Variants in TENM4 observed in about 807,000 individuals in gnomAD.
TENM4 encodes teneurin-4.
In TENM4, 82 loss-of-function variants were observed where a neutral mutation model predicts 243.3. The ratio of observed to expected loss-of-function variants is 0.34; its 90% confidence interval spans 0.28 to 0.40. The LOEUF is 0.40. Among genes scored for constraint, TENM4 ranks in the 10% least tolerant of loss-of-function variants. The pLI is 1.00. For missense variants in TENM4, 3,138 were observed against 3,673.3 expected, an observed-to-expected ratio of 0.85 and a Z score of 3.77; for synonymous variants, 1,412 against 1,456.3, an observed-to-expected ratio of 0.97 and a Z score of 0.69.
chr11:79,238,648 T>A (rs975111510), intron 2 of TENM4, among the ~76,000 whole-genome samples: 1 of 151,926 alleles, frequency 6.6e-6, no homozygotes, highest in Non-Finnish European at 1.5e-5. Context: ...TTGCCAAACC[T>A]TCATAATAAA....
chr11:79,307,285 C>T (rs1856642260), intron 1 of TENM4, among the ~76,000 whole-genome samples: 1 of 152,080 alleles, frequency 6.6e-6, no homozygotes, highest in Non-Finnish European at 1.5e-5. Flanking sequence ...ACTCAGAGCG[C>T]CAACAACCCA....
At chr11:78,833,756 T>A (rs1858034961) in intron 12 of TENM4, among the ~76,000 whole-genome samples, 1 of 152,190 alleles carries the variant, frequency 6.6e-6, no homozygotes, top group East Asian at 1.9e-4. Flanking sequence ...ATCGGGGGTA[T>A]GATTTTAAGA....
intron 2 of TENM4, among the ~76,000 whole-genome samples, chr11:79,262,783 T>G (rs1482273576): frequency 6.6e-6 from 1 of 152,222 alleles, no homozygotes; most frequent in East Asian, 1.9e-4. Context: ...TTAATATCTC[T>G]GAGTCTTTTA....
chr11:78,937,700 G>C (rs1372820783), intron 6 of TENM4, among the ~76,000 whole-genome samples: 1 of 152,160 alleles, frequency 6.6e-6, no homozygotes, highest in East Asian at 1.9e-4. Flanking sequence ...CCAAAACGAA[G>C]CTGTTCATCT....
In TENM4 at chr11:79,370,233, A is replaced by G. The variant is rs189395029; in HGVS notation, c.-321+70276T>C. Among the ~76,000 whole-genome samples the G allele has an allele frequency of 3.5e-3, 537 of 152,330 alleles. 3 individuals are homozygous for G. Among genetic ancestry groups the G allele is most frequent in the African/African-American group, 0.012 (504 of 41,590 alleles). On this transcript the variant is annotated intron_variant, in intron 1 of 33. Transcript: ENST00000278550. ...CAACCCTTCACATGGGCCCCCTACG[A>G]CGGAGGCCAGGGCCCTCCATACCAT...
chr11:79,198,711 T>C (rs1863683696), intron 3 of TENM4, among the ~76,000 whole-genome samples: 1 of 152,162 alleles, frequency 6.6e-6, no homozygotes. Context: ...AAATATGTAT[T>C]GGGGACCTAC....
intron 6 of TENM4, among the ~76,000 whole-genome samples, chr11:79,030,242 G>A (rs1455446668): frequency 6.6e-6 from 1 of 152,150 alleles, no homozygotes; most frequent in African/African-American, 2.4e-5. Context: ...CTGATGGGAG[G>A]ATGTAGCTTT....
chr11:78,850,050 G>GTT (rs1858496763), intron 12 of TENM4, among the ~76,000 whole-genome samples: 1 of 141,396 alleles, frequency 7.1e-6, no homozygotes, highest in Non-Finnish European at 1.5e-5. Flanking sequence ...AACTTGCTTG[G>GTT]TTTCAGTGCT....
chr11:78,933,248 G>A (rs1211671276), intron 6 of TENM4, among the ~76,000 whole-genome samples: 1 of 152,106 alleles, frequency 6.6e-6, no homozygotes, highest in Non-Finnish European at 1.5e-5. Flanking sequence ...CTCCTCTAAA[G>A]AGCTGAGGAG....
At chr11:79,207,697 T>A (rs1434876581) in intron 3 of TENM4, among the ~76,000 whole-genome samples, 1 of 151,758 alleles carries the variant, frequency 6.6e-6, no homozygotes, top group Non-Finnish European at 1.5e-5. Flanking sequence ...AAACCCCGTC[T>A]CTACAGAAAA....
At chr11:79,035,035 A>G (rs1358540924) in intron 6 of TENM4, among the ~76,000 whole-genome samples, 1 of 152,212 alleles carries the variant, frequency 6.6e-6, no homozygotes, top group African/African-American at 2.4e-5. Flanking sequence ...ACTGCTCTAG[A>G]ACATGCAAGG....
At chr11:79,397,478 C>T (rs566552297) in intron 1 of TENM4, among the ~76,000 whole-genome samples, 1 of 152,318 alleles carries the variant, frequency 6.6e-6, no homozygotes, top group South Asian at 2.1e-4. Flanking sequence ...AGATGTGTCA[C>T]TCCTGCTTCT....
intron 6 of TENM4, among the ~76,000 whole-genome samples, chr11:78,929,485 TAGGG>T (rs1360541808): frequency 1.5e-4 from 23 of 152,114 alleles, no homozygotes; most frequent in Admixed American, 1.5e-3. Context: ...GAGAGAGGGC[TAGGG>T]AAGGGGAGCC....
intron 12 of TENM4, among the ~76,000 whole-genome samples, chr11:78,818,020 G>A (rs1036038419): frequency 6.6e-6 from 1 of 151,954 alleles, no homozygotes; most frequent in South Asian, 2.1e-4. Flanking sequence ...ATTGTTGACT[G>A]TGAACTCCTT....
intron 7 of TENM4, among the ~76,000 whole-genome samples, chr11:78,894,082 G>A (rs1450532747): frequency 6.6e-6 from 1 of 152,278 alleles, no homozygotes; most frequent in African/African-American, 2.4e-5. Flanking sequence ...GATACACAAA[G>A]GGAAGCATGC....
chr11:78,760,474 C>G (rs1037605234), intron 18 of TENM4, among the ~76,000 whole-genome samples: 3 of 152,216 alleles, frequency 2.0e-5, no homozygotes, highest in African/African-American at 7.2e-5. Context: ...CTTAGACTCA[C>G]CAATCTGTCT....
At chr11:78,984,670 T>C (rs1236669087) in intron 6 of TENM4, among the ~76,000 whole-genome samples, 3 of 152,168 alleles carry the variant, frequency 2.0e-5, no homozygotes, top group Non-Finnish European at 4.4e-5. Context: ...AATACTGTCA[T>C]TACTGCTGCT....
At chr11:79,404,741 CCTGCTCAA>C (rs1185975766) in intron 1 of TENM4, among the ~76,000 whole-genome samples, 1 of 152,122 alleles carries the variant, frequency 6.6e-6, no homozygotes, top group Non-Finnish European at 1.5e-5. Flanking sequence ...AACATACCCA[CCTGCTCAA>C]CATTAAGATA....
At chr11:79,163,798 C>CAAATAT (rs139746563) in intron 3 of TENM4, among the ~76,000 whole-genome samples, 1 of 144,840 alleles carries the variant, frequency 6.9e-6, no homozygotes, top group African/African-American at 2.5e-5. Context: ...TATACACACA[C>CAAATAT]ATATATATAC....
Sources: allele counts gnomAD v4.1 joint callset (sites outside exome capture counted in the v4.1 genomes callset), GRCh38; gene constraint gnomAD v4.1.1; transcripts MANE v1.5; gene names NCBI Gene and HGNC (gene_info 2026-07-23, HGNC 2026-07-21).